SLC25A24: variants seen among roughly 807,000 people sequenced by gnomAD.
SLC25A24 encodes mitochondrial adenyl nucleotide antiporter SLC25A24.
In SLC25A24, 49 loss-of-function variants were observed where a neutral mutation model predicts 60.7. The observed-to-expected ratio is 0.81, with a 90% CI of 0.64 to 1.02. The LOEUF (loss-of-function observed/expected upper bound fraction) is 1.02, where lower values mean the gene tolerates loss of function less well. Among genes scored for constraint, SLC25A24 ranks in the 50% least tolerant of loss-of-function variants. The probability of loss-of-function intolerance (pLI) is 0.00; values close to 1 mark genes in which losing one functional copy is unlikely to be tolerated. For missense variants in SLC25A24, 564 were observed against 586.3 expected, an observed-to-expected ratio of 0.96 and a Z score of 0.39; for synonymous variants, 202 against 200.6, an observed-to-expected ratio of 1.01 and a Z score of -0.06.
intron 1 of SLC25A24, among the ~76,000 whole-genome samples, chr1:108,186,893 C>T (rs1481192950): frequency 6.6e-6 from 1 of 152,022 alleles, no homozygotes; most frequent in Non-Finnish European, 1.5e-5. Flanking sequence ...ACCTGACCAA[C>T]ATGGAGAACC....
chr1:108,179,788 C>T (rs1471850339), intron 3 of SLC25A24, among the ~76,000 whole-genome samples: 1 of 152,030 alleles, frequency 6.6e-6, no homozygotes, highest in Non-Finnish European at 1.5e-5. Context: ...TCAAGAGCTC[C>T]ACTATACAAC....
intron 1 of SLC25A24, among the ~76,000 whole-genome samples, chr1:108,194,783 G>A (rs1477457454): frequency 6.6e-6 from 1 of 152,136 alleles, no homozygotes; most frequent in Non-Finnish European, 1.5e-5. Flanking sequence ...GTCTGGCACT[G>A]TTTGAAAACA....
chr1:108,167,953 ACT>A (rs1571297370), intron 3 of SLC25A24, among the ~76,000 whole-genome samples: 2 of 151,686 alleles, frequency 1.3e-5, no homozygotes, highest in Non-Finnish European at 2.9e-5. Flanking sequence ...CCTAAGAGAA[ACT>A]CTGAGTGTAC....
In SLC25A24 at chr1:108,139,240, C is replaced by G. The variant is rs777755221; in HGVS notation, c.1099-32G>C. The stretch of plus-strand genomic sequence containing the variant: ...GAGAAATAAAGAAGAAAATAATTAA[C>G]GAACTCTACAACTTCAACGTAAACA... On this transcript the variant is annotated intron_variant, in intron 8 of 9. Coordinates refer to ENST00000565488, the MANE Select transcript of SLC25A24 (RefSeq NM_013386.5). 6.4e-6 allele frequency: 10 copies of G among 1,568,210 alleles called. No homozygotes were observed. In the South Asian group the frequency reaches 9.6e-5, roughly 15 times the overall value.
chr1:108,145,132 T>G (rs991606250), intron 7 of SLC25A24, among the ~76,000 whole-genome samples: 2 of 152,220 alleles, frequency 1.3e-5, no homozygotes, highest in African/African-American at 4.8e-5. Flanking sequence ...TGAGATGGTA[T>G]GCCATTGTGG....
intron 1 of SLC25A24, chr1:108,199,142 G>A (rs1288518544): frequency 1.3e-5 from 2 of 152,110 alleles, no homozygotes; most frequent in Non-Finnish European, 2.9e-5. Flanking sequence ...AAACTGAAGA[G>A]GCCTATAACT....
chr1:108,188,559 T>C (rs1648229168), intron 1 of SLC25A24, among the ~76,000 whole-genome samples: 1 of 152,206 alleles, frequency 6.6e-6, no homozygotes, highest in African/African-American at 2.4e-5. Context: ...GTTTATATTT[T>C]GGCCAATGGA....
At chr1:108,148,858 T>C (rs1040356851) in intron 6 of SLC25A24, among the ~76,000 whole-genome samples, 4 of 152,204 alleles carry the variant, frequency 2.6e-5, no homozygotes, top group African/African-American at 9.7e-5. Flanking sequence ...AATGTGATGA[T>C]GTGTCTCGAA....
intron 3 of SLC25A24, among the ~76,000 whole-genome samples, chr1:108,181,675 A>G (rs576971329): frequency 6.6e-6 from 1 of 152,314 alleles, no homozygotes; most frequent in African/African-American, 2.4e-5. Flanking sequence ...TCAGCTCCTC[A>G]TCTATGGAGT....
intron 3 of SLC25A24, among the ~76,000 whole-genome samples, chr1:108,162,759 ATAG>A (rs1242295461): frequency 6.6e-6 from 1 of 151,984 alleles, no homozygotes; most frequent in East Asian, 1.9e-4. Flanking sequence ...GTTCACTCTG[ATAG>A]TAGTTTCTTT....
intron 8 of SLC25A24, among the ~76,000 whole-genome samples, chr1:108,139,449 G>A (rs776400381): frequency 2.1e-4 from 32 of 152,190 alleles, no homozygotes; most frequent in Non-Finnish European, 3.5e-4. Flanking sequence ...CGTGAACTGC[G>A]CAGCAAACGC....
At chr1:108,148,239 C>T (rs368499458) in intron 7 of SLC25A24, 40 bp downstream of exon 7, 60 of 1,204,928 alleles carry the variant, frequency 5.0e-5, no homozygotes, top group African/African-American at 4.3e-4. Context: ...ACAACCAACA[C>T]GAACACCATC....
chr1:108,147,162 A>G (rs572207979), intron 7 of SLC25A24, among the ~76,000 whole-genome samples: 1 of 152,246 alleles, frequency 6.6e-6, no homozygotes, highest in South Asian at 2.1e-4. Context: ...TGTGTCCAGG[A>G]ATTTATCCAT....
At chr1:108,169,349 G>T (rs113918699) in intron 3 of SLC25A24, among the ~76,000 whole-genome samples, 4 of 152,274 alleles carry the variant, frequency 2.6e-5, no homozygotes, top group African/African-American at 9.6e-5. Context: ...AAAAAACCAG[G>T]TGGGTTTTTT....
At chr1:108,185,708 T>C in intron 2 of SLC25A24, 120 bp downstream of exon 2, 1 of 745,316 alleles carries the variant, frequency 1.3e-6, no homozygotes, top group South Asian at 2.0e-5. Context: ...AAAAAAAGTA[T>C]TAACACAAAT....
chr1:108,197,379 T>A (rs1403602247), intron 1 of SLC25A24, among the ~76,000 whole-genome samples: 1 of 152,220 alleles, frequency 6.6e-6, no homozygotes, highest in Non-Finnish European at 1.5e-5. Flanking sequence ...TGAAAATTTA[T>A]AGAGATTTTG....
At chr1:108,178,268 C>G (rs1036642937) in intron 3 of SLC25A24, among the ~76,000 whole-genome samples, 5 of 152,176 alleles carry the variant, frequency 3.3e-5, no homozygotes, top group African/African-American at 1.2e-4. Context: ...GACTTCAACA[C>G]CCTACCTTCA....
At chr1:108,177,000 CACTT>C (rs1192233493) in intron 3 of SLC25A24, among the ~76,000 whole-genome samples, 3 of 152,110 alleles carry the variant, frequency 2.0e-5, no homozygotes, top group African/African-American at 4.8e-5. Flanking sequence ...GTATGCAAAT[CACTT>C]ACATCTGTAG....
chr1:108,157,629 A>G lies in SLC25A24; in HGVS notation c.511-9T>C, dbSNP rs771116281. The G allele has an allele frequency of 6.2e-7, 1 of 1,608,548 alleles. No homozygotes were observed. Among genetic ancestry groups the G allele is most frequent in the Admixed American group, 1.7e-5 (1 of 59,536 alleles). On this transcript the variant is annotated splice_polypyrimidine_tract_variant and intron_variant, in intron 4 of 9. Transcript: ENST00000565488. ...TCCCCTATGTCAATTCCCTGTAAAA[A>G]TGAAAAAAAGATCCCCATGCGCCTT...
Sources: gnomAD v4.1 joint callset for allele counts (sites outside exome capture counted in the v4.1 genomes callset) on GRCh38, gnomAD v4.1.1 for gene constraint, MANE v1.5 for transcripts, NCBI Gene and HGNC (gene_info 2026-07-23, HGNC 2026-07-21) for gene names.